Variants in FSBP observed in about 807,000 individuals in gnomAD.
FSBP encodes fibrinogen silencer binding protein.
FSBP carries 18 observed loss-of-function variants against 24.6 expected under a neutral mutation model. The observed-to-expected ratio is 0.73, with a 90% CI of 0.51 to 1.08. The LOEUF (loss-of-function observed/expected upper bound fraction) is 1.08, where lower values mean the gene tolerates loss of function less well. Among genes scored for constraint, FSBP ranks in the 50% least tolerant of loss-of-function variants. The pLI, the probability that FSBP is intolerant of heterozygous loss-of-function variation, is 0.00. For synonymous variants in FSBP, 110 were observed against 125.8 expected (o/e 0.87, Z 0.84); for missense variants, 305 against 347.6 (o/e 0.88, Z 0.98).
chr8:94,430,776 T>A lies in FSBP; in HGVS notation c.*1355A>T, dbSNP rs1430173548. ...GATTCCTCATTAAAAAATGCAGATT[T>A]CTGGTTTATCCCCGCATGTGAAAAT... On this transcript the variant is annotated 3_prime_UTR_variant, in exon 2 of 2. Coordinates refer to ENST00000481490, the MANE Select transcript of FSBP (RefSeq NM_001256141.2). 7.1e-6 allele frequency: 7 copies of A among 985,156 alleles called. No homozygotes were observed. The Admixed American group carries it at 4.3e-4, about 61-fold the overall frequency. 61.0% of individuals were successfully genotyped at this position (985,156 alleles called of 1,614,324 possible). A position where few individuals can be genotyped will look rare whatever the true frequency, so the allele number is the denominator to read the frequency against.
At chr8:94,432,696 T>C (rs1414773125) in intron 1 of FSBP, 40 bp from the exon 2 acceptor site, 6 of 1,414,172 alleles carry the variant, frequency 4.2e-6, no homozygotes, top group Admixed American at 3.0e-5. Context: ...GTAAATCAAA[T>C]GAAGAAAAAG....
In FSBP at chr8:94,428,726, C is replaced by T; in HGVS notation, c.*3405G>A. 1 of 980,064 alleles carries T rather than the reference C, an allele frequency of 1.0e-6. No homozygotes were observed. Among genetic ancestry groups the T allele is most frequent in the Non-Finnish European group, 1.2e-6 (1 of 825,178 alleles). The allele number at this position is 980,064 out of a possible 1,614,324, so 60.7% of individuals were successfully genotyped here. ...AGATGTGAAACCTGCAGATAGAAAGCCAAGTGTACATTCCATTGTACTAGC... is the reference window on the plus strand; with the variant it reads ...AGATGTGAAACCTGCAGATAGAAAGTCAAGTGTACATTCCATTGTACTAGC... On this transcript the variant is annotated 3_prime_UTR_variant, in exon 2 of 2. Coordinates refer to ENST00000481490, the MANE Select transcript of FSBP (RefSeq NM_001256141.2).
At chr8:94,435,599 T>C (rs1172625161) in intron 1 of FSBP, among the ~76,000 whole-genome samples, 4 of 152,136 alleles carry the variant, frequency 2.6e-5, no homozygotes, top group East Asian at 1.9e-4. Flanking sequence ...GCCATTTTTA[T>C]ATTTTGCCAG....
At chr8:94,433,047 T>C (rs911978249) in intron 1 of FSBP, among the ~76,000 whole-genome samples, 1 of 152,156 alleles carries the variant, frequency 6.6e-6, no homozygotes, top group Admixed American at 6.6e-5. Context: ...GTTATCCCCA[T>C]ACCTTAGCCC....
In FSBP at chr8:94,436,757, C is replaced by G; in HGVS notation, c.112G>C (p.Val38Leu). 1 of 1,550,594 alleles carries G rather than the reference C, an allele frequency of 6.4e-7. No individual in the cohort carries two copies. Among genetic ancestry groups the G allele is most frequent in the African/African-American group, 1.4e-5 (1 of 73,150 alleles). The change falls in exon 1 of 2, where the codon GTA becomes CTA. Residue 38 changes from valine (V) to leucine (L), a missense_variant. By Grantham distance (32) the Val-to-Leu change is conservative. Transcript: ENST00000481490. ...CAACATCTATTCTTTTCTACTATTACTGAATGTTTATTAGTGTGTTCTTCG... is the reference window on the plus strand; with the variant it reads ...CAACATCTATTCTTTTCTACTATTAGTGAATGTTTATTAGTGTGTTCTTCG... ...ILEEHTNKHS[V>L]IVEKNRCWDI...
rs1012920522 is a variant in FSBP at position 94,431,121 on chromosome 8, T to A, written c.*1010A>T. ...CTTAAGTAACATACATATTAGAGAT[T>A]TAATATAAATTTAATATGTATGCTT... On this transcript the variant is annotated 3_prime_UTR_variant, in exon 2 of 2. Coordinates refer to ENST00000481490, the MANE Select transcript of FSBP (RefSeq NM_001256141.2). The A allele has an allele frequency of 1.1e-6, 1 of 948,702 alleles. No individual in the cohort carries two copies. The highest frequency in any genetic ancestry group is 1.3e-6 in the Non-Finnish European group (1 of 796,716). The allele number at this position is 948,702 out of a possible 1,614,324, so 58.8% of individuals were successfully genotyped here.
chr8:94,430,533 C>T lies in FSBP; in HGVS notation c.*1598G>A, dbSNP rs1281755851. The T allele has an allele frequency of 4.9e-6, 4 of 819,762 alleles. No homozygotes were observed. The highest frequency in any genetic ancestry group is 6.2e-5 in the Admixed American group (1 of 16,028). 50.8% of individuals were successfully genotyped at this position (819,762 alleles called of 1,614,324 possible). ...GTTTATTAAAAGAGATTGCTGACAC[C>T]CCCAGGGTTTCTAATTCACTTGGAA... On this transcript the variant is annotated 3_prime_UTR_variant, in exon 2 of 2. Transcript: ENST00000481490.
rs187055050 is a variant in FSBP, at chr8:94,431,199, T to C, written c.*932A>G. The C allele has an allele frequency of 4.3e-6, 4 of 927,998 alleles. No individual in the cohort carries two copies. Among genetic ancestry groups the C allele is most frequent in the Admixed American group, 1.2e-4 (2 of 16,178 alleles). 57.5% of individuals were successfully genotyped at this position (927,998 alleles called of 1,614,324 possible). A position where few individuals can be genotyped will look rare whatever the true frequency, so the allele number is the denominator to read the frequency against. On this transcript the variant is annotated 3_prime_UTR_variant, in exon 2 of 2. Transcript: ENST00000481490. Reference sequence around the variant, plus strand: ...TACTAAAATAACAATACTTATAAAATACATAAAATTTTAATTTTGTTCATT... The same window carrying C: ...TACTAAAATAACAATACTTATAAAACACATAAAATTTTAATTTTGTTCATT...
chr8:94,434,534 T>G (rs767997926), intron 1 of FSBP, among the ~76,000 whole-genome samples: 1 of 151,922 alleles, frequency 6.6e-6, no homozygotes. Context: ...TTTTTAAGTA[T>G]GTTAACGCAA....
chr8:94,429,265 G>T lies in FSBP; in HGVS notation c.*2866C>A. 2.0e-6 allele frequency: 1 copy of T among 490,296 alleles called. No individual in the cohort carries two copies. The highest frequency in any genetic ancestry group is 2.6e-6 in the Non-Finnish European group (1 of 377,866). The allele number at this position is 490,296 out of a possible 1,614,324, so 30.4% of individuals were successfully genotyped here. A position where few individuals can be genotyped will look rare whatever the true frequency, so the allele number is the denominator to read the frequency against. On this transcript the variant is annotated 3_prime_UTR_variant, in exon 2 of 2. Transcript: ENST00000481490. ...GCTGCAGAAAAATATGATTGTAGCAGACTATGTTTATGCTATTTTATGGGC... is the reference window on the plus strand; with the variant it reads ...GCTGCAGAAAAATATGATTGTAGCATACTATGTTTATGCTATTTTATGGGC...
rs3136429 is a variant in FSBP, at chr8:94,430,877, A to G, written c.*1254T>C. 14,430 of 985,382 alleles carry G rather than the reference A, an allele frequency of 0.015. 123 individuals carry two copies. Among genetic ancestry groups the G allele is most frequent in the South Asian group, 0.026 (551 of 21,290 alleles). The allele number at this position is 985,382 out of a possible 1,614,324, so 61.0% of individuals were successfully genotyped here. ...TCCTAGTCCAGGATACTACAGCCCA[A>G]ATTGACTCTCTCTACATTCACTTAA... On this transcript the variant is annotated 3_prime_UTR_variant, in exon 2 of 2. Coordinates refer to ENST00000481490, the MANE Select transcript of FSBP (RefSeq NM_001256141.2).
At position 94,432,031 on chromosome 8, in the gene FSBP, C is replaced by T. The variant is rs1334834336; in HGVS notation, c.*100G>A. 2.2e-6 allele frequency: 3 copies of T among 1,391,444 alleles called. No homozygotes were observed. The highest frequency in any genetic ancestry group is 2.8e-6 in the Non-Finnish European group (3 of 1,074,720). The allele number at this position is 1,391,444 out of a possible 1,614,324, so 86.2% of individuals were successfully genotyped here. On this transcript the variant is annotated 3_prime_UTR_variant, in exon 2 of 2. Transcript: ENST00000481490. ...AAAGTTTTTCCATAATAGAGATTAA[C>T]AACATTTTTCAAGAACGTGTATTCT...
intron 1 of FSBP, 44 bp from the exon 2 acceptor site, chr8:94,432,700 G>A: frequency 7.1e-7 from 1 of 1,401,168 alleles, no homozygotes; most frequent in Non-Finnish European, 9.3e-7. Context: ...ATCAAATGAA[G>A]AAAAAGTGTA....
chr8:94,435,283 T>G (rs1192537916), intron 1 of FSBP, among the ~76,000 whole-genome samples: 4 of 152,076 alleles, frequency 2.6e-5, no homozygotes, highest in Admixed American at 6.6e-5. Flanking sequence ...GGATTCCCAC[T>G]GGTGATATTT....
At position 94,430,441 on chromosome 8, in the gene FSBP, A is replaced by C; in HGVS notation, c.*1690T>G. The C allele has an allele frequency of 3.0e-6, 3 of 985,228 alleles. No homozygotes were observed. Among genetic ancestry groups the C allele is most frequent in the Non-Finnish European group, 3.6e-6 (3 of 829,746 alleles). The allele number at this position is 985,228 out of a possible 1,614,324, so 61.0% of individuals were successfully genotyped here. On this transcript the variant is annotated 3_prime_UTR_variant, in exon 2 of 2. Coordinates refer to ENST00000481490, the MANE Select transcript of FSBP (RefSeq NM_001256141.2). The stretch of plus-strand genomic sequence containing the variant: ...TGAGACTAGTATGATTTAGGCACCA[A>C]GCGAGGTTCCAAAATACTCTGTTTC...
chr8:94,435,733 G>A (rs1812237632), intron 1 of FSBP, among the ~76,000 whole-genome samples: 1 of 151,810 alleles, frequency 6.6e-6, no homozygotes. Context: ...TGCTCTTAGG[G>A]GTATTTTAAA....
chr8:94,436,068 A>G (rs1485183129), intron 1 of FSBP, among the ~76,000 whole-genome samples: 1 of 152,134 alleles, frequency 6.6e-6, no homozygotes, highest in Non-Finnish European at 1.5e-5. Flanking sequence ...ATAAAAAAGC[A>G]AGGTTCCATT....
At chr8:94,436,447 A>G (rs756946131) in intron 1 of FSBP, 48 bp downstream of exon 1, 71 of 1,481,452 alleles carry the variant, frequency 4.8e-5, no homozygotes, top group Middle Eastern at 1.8e-4. Context: ...AAAGCCCAAT[A>G]GATAGGAGGC....
In FSBP at chr8:94,430,322, A is replaced by T. The variant is rs1171909305; in HGVS notation, c.*1809T>A. ...CAAGACTCCATCTCAAAAAAAAAAA[A>T]AAAAAGTATTTAATGTAATTCATAA... On this transcript the variant is annotated 3_prime_UTR_variant, in exon 2 of 2. Transcript: ENST00000481490. 1 of 979,094 alleles carries T rather than the reference A, an allele frequency of 1.0e-6. No homozygotes were observed. Among genetic ancestry groups the T allele is most frequent in the Non-Finnish European group, 1.2e-6 (1 of 824,416 alleles). 60.7% of individuals were successfully genotyped at this position (979,094 alleles called of 1,614,324 possible). A position where few individuals can be genotyped will look rare whatever the true frequency, so the allele number is the denominator to read the frequency against.
Sources: allele counts gnomAD v4.1 joint callset (sites outside exome capture counted in the v4.1 genomes callset), GRCh38; gene constraint gnomAD v4.1.1; transcripts MANE v1.5; gene names NCBI Gene and HGNC (gene_info 2026-07-23, HGNC 2026-07-21).